CPEB3: variants seen among roughly 807,000 people sequenced by gnomAD.
The protein encoded by CPEB3 is cytoplasmic polyadenylation element binding protein 3.
In CPEB3, 20 loss-of-function variants were observed where a neutral mutation model predicts 67.2. That is an observed-to-expected ratio of 0.30 (90% CI 0.21 to 0.43). The LOEUF is 0.43. Ranked by LOEUF, CPEB3 falls within the 20% of genes least tolerant of loss-of-function variation. CPEB3 has a pLI of 1.00. For synonymous variants in CPEB3, 376 were observed against 393.1 expected (o/e 0.96, Z 0.51); for missense variants, 746 against 968.6 (o/e 0.77, Z 3.05).
At chr10:92,148,044 C>T (rs1846772193) in intron 4 of CPEB3, among the ~76,000 whole-genome samples, 1 of 152,158 alleles carries the variant, frequency 6.6e-6, no homozygotes, top group South Asian at 2.1e-4. Context: ...CTGACTTCTA[C>T]CTCGTACCCC....
intron 4 of CPEB3, among the ~76,000 whole-genome samples, chr10:92,150,045 G>T (rs912322372): frequency 9.2e-5 from 14 of 152,142 alleles, no homozygotes; most frequent in African/African-American, 3.1e-4. Flanking sequence ...TAACATGACT[G>T]CCTGAAGTGC....
intron 1 of CPEB3, among the ~76,000 whole-genome samples, chr10:92,269,170 GAAAA>G (rs113105958): frequency 1.4e-5 from 2 of 141,746 alleles, no homozygotes; most frequent in East Asian, 4.1e-4. Flanking sequence ...CAATGCCCAG[GAAAA>G]AAAAAAAGGC....
intron 1 of CPEB3, among the ~76,000 whole-genome samples, chr10:92,268,972 G>A (rs189103749): frequency 5.1e-4 from 77 of 152,276 alleles, no homozygotes; most frequent in Middle Eastern, 3.4e-3. Flanking sequence ...GGGAGACACT[G>A]ACCCCTACTA....
At chr10:92,111,335 C>T in intron 6 of CPEB3, 141 bp from the exon 7 acceptor site, 1 of 677,822 alleles carries the variant, frequency 1.5e-6, no homozygotes, top group Non-Finnish European at 2.6e-6. Flanking sequence ...GGGACTTTGT[C>T]CAGGAACTAA....
chr10:92,048,387 T>TCTCTCACACACACACACA lies in CPEB3; in HGVS notation c.*3824_*3825insTGTGTGTGTGTGTGAGAG, dbSNP rs546300433. The stretch of plus-strand genomic sequence containing the variant: ...TTCTCTCTCTCTCTCTCTCTCTCTC[T>TCTCTCACACACACACACA]CACACACACACACACACACACGACA... On this transcript the variant is annotated 3_prime_UTR_variant, in exon 10 of 10. Coordinates refer to ENST00000265997, the MANE Select transcript of CPEB3 (RefSeq NM_014912.5). This position sits in a 1 kb window ranked among gnomAD's most constrained non-coding sequence, Gnocchi z 4.1. The TCTCTCACACACACACACA allele has an allele frequency of 1.7e-4, 24 of 141,486 alleles. No homozygotes were observed. Among genetic ancestry groups the TCTCTCACACACACACACA allele is most frequent in the African/African-American group, 6.5e-4 (24 of 36,998 alleles). 8.8% of individuals were successfully genotyped at this position (141,486 alleles called of 1,614,324 possible). A position where few individuals can be genotyped will look rare whatever the true frequency, so the allele number is the denominator to read the frequency against.
intron 1 of CPEB3, among the ~76,000 whole-genome samples, chr10:92,286,677 GA>G: frequency 1.3e-5 from 2 of 150,300 alleles, no homozygotes; most frequent in East Asian, 1.9e-4. Context: ...AGGAATTAAT[GA>G]AAAAAAAACT....
At chr10:92,257,477 G>C (rs184412275) in intron 1 of CPEB3, among the ~76,000 whole-genome samples, 6 of 151,746 alleles carry the variant, frequency 4.0e-5, no homozygotes, top group African/African-American at 1.4e-4. Context: ...TGTATTTTTA[G>C]TATAGATAGA....
At chr10:92,128,912 G>A (rs1487033238) in intron 6 of CPEB3, among the ~76,000 whole-genome samples, 2 of 152,184 alleles carry the variant, frequency 1.3e-5, no homozygotes, top group Non-Finnish European at 1.5e-5. Flanking sequence ...AATTAGTTCA[G>A]CCATTGTGGA....
intron 2 of CPEB3, among the ~76,000 whole-genome samples, chr10:92,199,710 C>T (rs1339824772): frequency 6.9e-6 from 1 of 144,802 alleles, no homozygotes; most frequent in Non-Finnish European, 1.5e-5. Context: ...AAAGGACAAA[C>T]TCACAAAACT....
At chr10:92,237,157 G>A (rs367788185) in intron 2 of CPEB3, among the ~76,000 whole-genome samples, 5 of 152,086 alleles carry the variant, frequency 3.3e-5, no homozygotes, top group African/African-American at 9.7e-5. Context: ...AACTTGGTAC[G>A]GTTATCAACA....
chr10:92,136,705 C>A (rs913944037), intron 6 of CPEB3, among the ~76,000 whole-genome samples: 1 of 152,116 alleles, frequency 6.6e-6, no homozygotes, highest in African/African-American at 2.4e-5. Flanking sequence ...GGATTACAGG[C>A]ATGGGCTACC....
At chr10:92,092,051 T>A (rs971403588) in intron 7 of CPEB3, 107 bp from the exon 8 acceptor site, 11 of 726,122 alleles carry the variant, frequency 1.5e-5, no homozygotes, top group Non-Finnish European at 2.4e-5. Context: ...ACAATGAACA[T>A]GACCCAAACA....
intron 6 of CPEB3, 148 bp from the exon 7 acceptor site, chr10:92,111,342 C>T: frequency 1.5e-6 from 1 of 665,150 alleles, no homozygotes; most frequent in Non-Finnish European, 2.7e-6. Context: ...TGTCCAGGAA[C>T]TAAGTTAGGT....
intron 4 of CPEB3, among the ~76,000 whole-genome samples, chr10:92,165,815 A>T (rs1385165532): frequency 6.6e-6 from 1 of 152,188 alleles, no homozygotes; most frequent in Non-Finnish European, 1.5e-5. Flanking sequence ...TCATGAGATT[A>T]TAACAATTTG....
intron 6 of CPEB3, among the ~76,000 whole-genome samples, chr10:92,142,694 G>A (rs1846493669): frequency 6.6e-6 from 1 of 152,112 alleles, no homozygotes; most frequent in African/African-American, 2.4e-5. Context: ...AATAAAATCT[G>A]ACCCTAAATA....
intron 2 of CPEB3, among the ~76,000 whole-genome samples, chr10:92,203,234 C>T (rs1849601325): frequency 6.6e-6 from 1 of 151,206 alleles, no homozygotes; most frequent in Non-Finnish European, 1.5e-5. Context: ...AGCCACCGCG[C>T]CCAGCCTTTA....
At chr10:92,104,894 ATTTC>A (rs1448568335) in intron 7 of CPEB3, among the ~76,000 whole-genome samples, 1 of 151,950 alleles carries the variant, frequency 6.6e-6, no homozygotes, top group Non-Finnish European at 1.5e-5. Flanking sequence ...CCGAACCATG[ATTTC>A]TTTTCTTTTC....
intron 6 of CPEB3, chr10:92,118,993 C>A: frequency 6.6e-7 from 1 of 1,524,850 alleles, no homozygotes; most frequent in Admixed American, 1.7e-5. Flanking sequence ...CAGCACTGAT[C>A]CACACAGCTA....
chr10:92,192,020 T>C (rs933828173), intron 3 of CPEB3, among the ~76,000 whole-genome samples: 10 of 152,200 alleles, frequency 6.6e-5, no homozygotes, highest in Admixed American at 3.9e-4. Context: ...GTGGTGATAC[T>C]TCCTATACTA....
Sources: gnomAD v4.1 joint callset for allele counts (sites outside exome capture counted in the v4.1 genomes callset) on GRCh38, gnomAD v4.1.1 for gene constraint, Gnocchi (gnomAD v3.1) non-coding constraint, MANE v1.5 for transcripts, NCBI Gene and HGNC (gene_info 2026-07-23, HGNC 2026-07-21) for gene names.